The following RIPOR2 variants were observed in gnomAD, a reference collection of about 807,000 sequenced individuals.
RIPOR2 encodes the protein rho family-interacting cell polarization regulator 2.
In RIPOR2, 39 loss-of-function variants were observed where a neutral mutation model predicts 114.5. The observed-to-expected ratio is 0.34, with a 90% confidence interval of 0.26 to 0.44. The LOEUF (loss-of-function observed/expected upper bound fraction) is 0.44, where lower values mean the gene tolerates loss of function less well. RIPOR2 is among the 20% of genes least tolerant of loss of function. RIPOR2 has a pLI of 1.00. For missense variants in RIPOR2, 1,007 were observed against 1,255.1 expected (o/e 0.80, Z 2.99); for synonymous variants, 445 against 484.4 (o/e 0.92, Z 1.07).
At position 25,016,877 on chromosome 6, in the gene RIPOR2, A is replaced by G. The variant is rs372827860; in HGVS notation, c.76+24974T>C. On this transcript the variant is annotated intron_variant, in intron 1 of 13. Coordinates refer to the RIPOR2 transcript ENST00000510784. ...CTAGGGAGAAAGATCCTCTCATTGT[A>G]TATATCTTCTAGGGGATTCACATTC... is the stretch of plus-strand genomic sequence containing the variant. Among the ~76,000 whole-genome samples, 22 of 152,348 alleles carry G rather than the reference A, an allele frequency of 1.4e-4. No homozygotes were observed. The South Asian group carries it at 3.9e-3, about 27-fold the overall frequency.
In RIPOR2 at chr6:24,947,130, G is replaced by A. The variant is rs141888168; in HGVS notation, c.77-71313C>T. On this transcript the variant is annotated intron_variant, in intron 1 of 13. Coordinates refer to the RIPOR2 transcript ENST00000510784. ...TTGTGTCTGTTTTTTTAAAGATTCC[G>A]TGGGAGGATATCCAGAGACACTCCT... Among the ~76,000 whole-genome samples the A allele has an allele frequency of 3.4e-3, 517 of 152,230 alleles. 3 individuals are homozygous for A. The highest frequency in any genetic ancestry group is 0.012 in the African/African-American group (482 of 41,530).
intron 1 of RIPOR2, among the ~76,000 whole-genome samples, chr6:24,934,081 C>G (rs891996495): frequency 1.3e-5 from 2 of 152,128 alleles, no homozygotes; most frequent in African/African-American, 4.8e-5. Flanking sequence ...GAGCAAAATT[C>G]CTATAGGCAA....
At chr6:24,888,448 C>T (rs1210655606) in intron 1 of RIPOR2, among the ~76,000 whole-genome samples, 2 of 152,162 alleles carry the variant, frequency 1.3e-5, no homozygotes, top group Admixed American at 6.5e-5. Context: ...ACTGAAATTA[C>T]CATTTTTATA....
intron 9 of RIPOR2, among the ~76,000 whole-genome samples, chr6:24,851,550 G>A (rs538883979): frequency 3.3e-5 from 5 of 152,274 alleles, no homozygotes; most frequent in Non-Finnish European, 7.4e-5. Flanking sequence ...CTCACCCCCT[G>A]CTAAGAGGTA....
intron 1 of RIPOR2, among the ~76,000 whole-genome samples, chr6:24,933,657 T>C (rs1422769788): frequency 6.6e-6 from 1 of 152,226 alleles, no homozygotes; most frequent in Non-Finnish European, 1.5e-5. Context: ...GCAAACATTA[T>C]GCATCTACTA....
chr6:24,978,078 A>T (rs1198279000), intron 1 of RIPOR2, among the ~76,000 whole-genome samples: 1 of 152,234 alleles, frequency 6.6e-6, no homozygotes, highest in Non-Finnish European at 1.5e-5. Context: ...CATTAGAATA[A>T]GTAAGAATAA....
intron 1 of RIPOR2, among the ~76,000 whole-genome samples, chr6:24,926,846 TCAC>T (rs1239649092): frequency 2.0e-5 from 3 of 151,880 alleles, no homozygotes; most frequent in Non-Finnish European, 2.9e-5. Context: ...ATCATCATCA[TCAC>T]CACCAACATC....
At chr6:24,989,779 C>A (rs1458476520) in intron 1 of RIPOR2, among the ~76,000 whole-genome samples, 2 of 151,858 alleles carry the variant, frequency 1.3e-5, no homozygotes, top group Non-Finnish European at 2.9e-5. Flanking sequence ...GCGCGGTGAT[C>A]CCAGCACTTT....
chr6:24,918,923 G>A (rs1050973912), intron 1 of RIPOR2, among the ~76,000 whole-genome samples: 6 of 152,158 alleles, frequency 3.9e-5, no homozygotes, highest in African/African-American at 1.2e-4. Context: ...TAGCTCCAGG[G>A]TCTAATGCCT....
At chr6:24,872,497 G>A (rs1765292393) in intron 4 of RIPOR2, among the ~76,000 whole-genome samples, 1 of 152,168 alleles carries the variant, frequency 6.6e-6, no homozygotes, top group African/African-American at 2.4e-5. Context: ...GGGATAACAA[G>A]CATGAGCTAC....
At chr6:25,023,083 G>C (rs868680279) in intron 1 of RIPOR2, among the ~76,000 whole-genome samples, 9 of 151,704 alleles carry the variant, frequency 5.9e-5, no homozygotes, top group Middle Eastern at 3.4e-3. Flanking sequence ...TAATGACGAC[G>C]TTTGCAGGCT....
chr6:24,961,417 T>C (rs890780775), intron 1 of RIPOR2, among the ~76,000 whole-genome samples: 1 of 151,958 alleles, frequency 6.6e-6, no homozygotes, highest in Non-Finnish European at 1.5e-5. Flanking sequence ...AAGCCAGGGG[T>C]TGATGCATAC....
chr6:24,917,434 T>C (rs1466711627), intron 1 of RIPOR2, among the ~76,000 whole-genome samples: 1 of 152,224 alleles, frequency 6.6e-6, no homozygotes, highest in African/African-American at 2.4e-5. Flanking sequence ...TTAAAATAAG[T>C]ATAACATGAT....
chr6:24,869,867 G>A (rs748208257), intron 5 of RIPOR2, among the ~76,000 whole-genome samples: 8 of 152,076 alleles, frequency 5.3e-5, no homozygotes, highest in Middle Eastern at 3.4e-3. Context: ...AATTGCTACC[G>A]GCAGACAGCT....
rs2113677631 is a variant in RIPOR2 at position 25,011,003 on chromosome 6, C to T, written c.76+30848G>A. On this transcript the variant is annotated intron_variant, in intron 1 of 13. Transcript: ENST00000510784. ...GAAAGGTTGTTCTCTCTAGTTGGGA[C>T]CCTGCTTGAGTCTGTCCCTTATATC... 2.0e-5 allele frequency among the ~76,000 whole-genome samples: 3 copies of T among 152,274 alleles called. No homozygotes were observed. The South Asian group carries it at 6.2e-4, about 32-fold the overall frequency.
chr6:24,945,178 GAAGA>G (rs1347483951), intron 1 of RIPOR2, among the ~76,000 whole-genome samples: 1 of 151,850 alleles, frequency 6.6e-6, no homozygotes, highest in Non-Finnish European at 1.5e-5. Flanking sequence ...ATAGAAGGCA[GAAGA>G]AAGGGGACAG....
intron 1 of RIPOR2, chr6:25,024,292 C>T: frequency 6.5e-7 from 1 of 1,530,984 alleles, no homozygotes; most frequent in Non-Finnish European, 9.0e-7. Flanking sequence ...TCCCTGATGA[C>T]ATCCTCAATG....
At chr6:24,924,434 G>A (rs1770713214) in intron 1 of RIPOR2, among the ~76,000 whole-genome samples, 3 of 152,176 alleles carry the variant, frequency 2.0e-5, no homozygotes, top group Admixed American at 2.0e-4. Context: ...AGACCCCTTG[G>A]ACGCTTGCTG....
intron 1 of RIPOR2, among the ~76,000 whole-genome samples, chr6:24,929,822 C>T (rs1332479083): frequency 1.3e-5 from 2 of 152,126 alleles, no homozygotes; most frequent in Non-Finnish European, 2.9e-5. Flanking sequence ...GCTTGTAATC[C>T]CAGCACTTGG....
Sources: gnomAD v4.1 joint callset for allele counts (sites outside exome capture counted in the v4.1 genomes callset) on GRCh38, gnomAD v4.1.1 for gene constraint, MANE v1.5 for transcripts, NCBI Gene and HGNC (gene_info 2026-07-23, HGNC 2026-07-21) for gene names.